CSMD1: variants seen among roughly 807,000 people sequenced by gnomAD.
The protein encoded by CSMD1 is CUB and Sushi multiple domains 1, also known as CUB and sushi domain-containing protein 1.
Under a neutral mutation model 417.5 loss-of-function variants are expected in CSMD1, and 213 were observed. That is an observed-to-expected ratio of 0.51 (90% CI 0.46 to 0.57). The LOEUF (loss-of-function observed/expected upper bound fraction) is 0.57, where lower values mean the gene tolerates loss of function less well. Ranked by LOEUF, CSMD1 falls within the 20% of genes least tolerant of loss-of-function variation. The pLI is 0.00. For synonymous variants in CSMD1, 2,862 were observed against 1,736.8 expected, an observed-to-expected ratio of 1.65 and a Z score of -16.11; for missense variants, 6,923 against 4,529.7, an observed-to-expected ratio of 1.53 and a Z score of -15.17.
chr8:4,323,726 G>C (rs1416169473), intron 3 of CSMD1, among the ~76,000 whole-genome samples: 2 of 149,854 alleles, frequency 1.3e-5, no homozygotes, highest in Non-Finnish European at 3.0e-5. Context: ...GTATGATTTG[G>C]GTATTTCACA....
At chr8:4,097,596 G>C (rs556223477) in intron 3 of CSMD1, among the ~76,000 whole-genome samples, 1 of 152,176 alleles carries the variant, frequency 6.6e-6, no homozygotes, top group Non-Finnish European at 1.5e-5. Flanking sequence ...CACCCAGATT[G>C]ATTAGCTTAT....
chr8:4,466,145 T>C (rs149280007), intron 2 of CSMD1, among the ~76,000 whole-genome samples: 6 of 152,146 alleles, frequency 3.9e-5, no homozygotes, highest in Non-Finnish European at 8.8e-5. Context: ...GAATGAAATA[T>C]TGTGAGAGAG....
intron 3 of CSMD1, among the ~76,000 whole-genome samples, chr8:4,356,105 C>A (rs1218711517): frequency 6.6e-6 from 1 of 152,190 alleles, no homozygotes; most frequent in Non-Finnish European, 1.5e-5. Flanking sequence ...CCCTCACACA[C>A]CTCCTAGTCT....
chr8:3,216,153 C>G (rs1797869185), intron 29 of CSMD1, among the ~76,000 whole-genome samples: 3 of 151,582 alleles, frequency 2.0e-5, no homozygotes, highest in Admixed American at 6.6e-5. Context: ...AACCAGTGCT[C>G]TCTAATTGCT....
chr8:3,702,745 T>C (rs201556841), intron 7 of CSMD1, among the ~76,000 whole-genome samples: 1 of 152,196 alleles, frequency 6.6e-6, no homozygotes, highest in East Asian at 1.9e-4. Flanking sequence ...GGCAGGAGAA[T>C]CGCTGGAACC....
intron 1 of CSMD1, among the ~76,000 whole-genome samples, chr8:4,655,335 A>T (rs1804160008): frequency 6.6e-6 from 1 of 152,052 alleles, no homozygotes; most frequent in African/African-American, 2.4e-5. Flanking sequence ...CACTGGTTGC[A>T]ATCGACCTGC....
intron 3 of CSMD1, among the ~76,000 whole-genome samples, chr8:4,114,772 C>A (rs556016140): frequency 1.6e-4 from 24 of 152,256 alleles, no homozygotes; most frequent in African/African-American, 5.8e-4. Flanking sequence ...TATAATAAGA[C>A]TTCAGCAGAG....
intron 40 of CSMD1, among the ~76,000 whole-genome samples, chr8:3,142,997 G>A (rs528296467): frequency 2.6e-5 from 4 of 152,244 alleles, no homozygotes; most frequent in African/African-American, 9.6e-5. Flanking sequence ...CACGCACTCG[G>A]GGATGATTTT....
intron 3 of CSMD1, among the ~76,000 whole-genome samples, chr8:4,158,908 T>C (rs1479820235): frequency 1.3e-5 from 2 of 152,180 alleles, no homozygotes; most frequent in Non-Finnish European, 2.9e-5. Flanking sequence ...AGAAAGATTA[T>C]CTTTCTATAA....
intron 8 of CSMD1, among the ~76,000 whole-genome samples, chr8:3,591,909 T>C (rs952847225): frequency 2.6e-5 from 4 of 151,884 alleles, no homozygotes; most frequent in East Asian, 1.9e-4. Context: ...TGGAGGAATA[T>C]ATGGATTAGA....
intron 5 of CSMD1, among the ~76,000 whole-genome samples, chr8:3,858,925 T>C (rs1022902817): frequency 3.3e-5 from 5 of 152,230 alleles, no homozygotes; most frequent in Middle Eastern, 3.2e-3. Context: ...TTTGGCGAGT[T>C]GGTTGAAGTC....
rs150956751 is a variant in CSMD1 at position 4,070,300 on chromosome 8, G to C, written c.416-38201C>G. Among the ~76,000 whole-genome samples the C allele has an allele frequency of 1.9e-3, 283 of 152,088 alleles. 2 individuals carry two copies. Among genetic ancestry groups the C allele is most frequent in the African/African-American group, 6.6e-3 (272 of 41,500 alleles). On this transcript the variant is annotated intron_variant, in intron 3 of 69. Coordinates refer to ENST00000635120, the MANE Select transcript of CSMD1 (RefSeq NM_033225.6). ...TAATGTTGTTATTTTTACTTAAAAA[G>C]TCTCATGCACTTTAAAGAAACTCAG...
chr8:4,475,639 C>A (rs796889422), intron 2 of CSMD1, among the ~76,000 whole-genome samples: 1 of 151,674 alleles, frequency 6.6e-6, no homozygotes, highest in Non-Finnish European at 1.5e-5. Flanking sequence ...TTCTTCGAGA[C>A]GGAGTCGCCC....
chr8:2,967,964 G>A (rs1804118469), intron 57 of CSMD1, among the ~76,000 whole-genome samples: 1 of 152,162 alleles, frequency 6.6e-6, no homozygotes, highest in South Asian at 2.1e-4. Context: ...ATGGCAGACA[G>A]AAGTACTCAA....
intron 1 of CSMD1, among the ~76,000 whole-genome samples, chr8:4,645,706 G>C (rs973797084): frequency 1.3e-5 from 2 of 152,110 alleles, no homozygotes; most frequent in African/African-American, 4.8e-5. Flanking sequence ...TTTTTACAAA[G>C]GAATATTTAG....
At chr8:3,439,528 TAGAGTCTTA>T (rs1272626211) in intron 12 of CSMD1, among the ~76,000 whole-genome samples, 1 of 148,162 alleles carries the variant, frequency 6.7e-6, no homozygotes, top group South Asian at 2.2e-4. Context: ...TGTGTAATTG[TAGAGTCTTA>T]AGAGTTCTTT....
intron 1 of CSMD1, among the ~76,000 whole-genome samples, chr8:4,879,256 C>A (rs184822627): frequency 1.3e-5 from 2 of 151,594 alleles, no homozygotes; most frequent in East Asian, 1.9e-4. Context: ...GGAAAGGTTG[C>A]GGAAATGGAA....
chr8:2,935,909 G>C lies in CSMD1; in HGVS notation c.*2676C>G, dbSNP rs1295971603. Reference sequence around the variant, plus strand: ...GTAAAACAAGCAGCAGTTTTAAACAGCTCTGAAGCACGTGTCCTCTGTTAG... The same window carrying C: ...GTAAAACAAGCAGCAGTTTTAAACACCTCTGAAGCACGTGTCCTCTGTTAG... On this transcript the variant is annotated 3_prime_UTR_variant, in exon 70 of 70. Coordinates refer to ENST00000635120, the MANE Select transcript of CSMD1 (RefSeq NM_033225.6). The C allele has an allele frequency of 6.6e-6, 1 of 152,224 alleles. No homozygotes were observed. Among genetic ancestry groups the C allele is most frequent in the Non-Finnish European group, 1.5e-5 (1 of 68,042 alleles). 9.4% of individuals were successfully genotyped at this position (152,224 alleles called of 1,614,324 possible). A position where few individuals can be genotyped will look rare whatever the true frequency, so the allele number is the denominator to read the frequency against.
At chr8:3,895,838 T>C (rs1433655031) in intron 5 of CSMD1, among the ~76,000 whole-genome samples, 1 of 152,202 alleles carries the variant, frequency 6.6e-6, no homozygotes, top group African/African-American at 2.4e-5. Flanking sequence ...CTGACCTGGC[T>C]TGTTCCCTTC....
Sources: allele counts gnomAD v4.1 joint callset (sites outside exome capture counted in the v4.1 genomes callset), GRCh38; gene constraint gnomAD v4.1.1; transcripts MANE v1.5; gene names NCBI Gene and HGNC (gene_info 2026-07-23, HGNC 2026-07-21).